Variants in TIA1 observed in about 807,000 individuals in gnomAD.
TIA1 encodes TIA1 cytotoxic granule associated RNA binding protein.
In TIA1, 23 loss-of-function variants were observed where a neutral mutation model predicts 65.9. The ratio of observed to expected loss-of-function variants is 0.35; its 90% CI spans 0.25 to 0.49. TIA1 has a LOEUF of 0.49. Among genes scored for constraint, TIA1 ranks in the 20% least tolerant of loss-of-function variants. The pLI is 0.98. For synonymous variants in TIA1, 147 were observed against 149.4 expected, an observed-to-expected ratio of 0.98 and a Z score of 0.12; for missense variants, 371 against 477.9, an observed-to-expected ratio of 0.78 and a Z score of 2.09.
At chr2:70,214,632 T>C in intron 11 of TIA1, 138 bp from the exon 12 acceptor site, 1 of 311,486 alleles carries the variant, frequency 3.2e-6, no homozygotes, top group Non-Finnish European at 5.1e-6. Context: ...AGTTGACTGC[T>C]AAAAAAAAAA....
intron 1 of TIA1, among the ~76,000 whole-genome samples, chr2:70,243,787 T>C (rs1692974304): frequency 6.6e-6 from 1 of 152,238 alleles, no homozygotes; most frequent in African/African-American, 2.4e-5. Context: ...TCTAAGCCAC[T>C]GGTAATTCCT....
At chr2:70,248,305 G>C (rs1695396386) in intron 1 of TIA1, 100 bp downstream of exon 1, 1 of 1,354,210 alleles carries the variant, frequency 7.4e-7, no homozygotes, top group Non-Finnish European at 1.0e-6. Context: ...ACGATATCGC[G>C]GTGTCCACGG....
chr2:70,245,099 C>A (rs933695623), intron 1 of TIA1, among the ~76,000 whole-genome samples: 1 of 152,098 alleles, frequency 6.6e-6, no homozygotes, highest in Non-Finnish European at 1.5e-5. Flanking sequence ...CCTTCCTGAG[C>A]CTCCGGAGTC....
chr2:70,230,970 G>T (rs759781700), intron 2 of TIA1, 116 bp from the exon 3 acceptor site: 3 of 673,730 alleles, frequency 4.5e-6, no homozygotes, highest in Admixed American at 3.2e-5. Context: ...TCAGGCCATG[G>T]AGAATGAATG....
Position 70,214,010 on chromosome 2 carries a change from G to GT in TIA1, c.1034+338dup, listed in dbSNP as rs1421402993. On this transcript the variant is annotated intron_variant, in intron 12 of 12. Coordinates refer to ENST00000433529, the MANE Select transcript of TIA1 (RefSeq NM_022173.4). Reference sequence around the variant, plus strand: ...TATTTCCAGTGTGTTTTTCAGAAATGTAAGTAAAATAGTGTAATTCAGGGT... The same window carrying GT: ...TATTTCCAGTGTGTTTTTCAGAAATGTTAAGTAAAATAGTGTAATTCAGGGT... Among the ~76,000 whole-genome samples the GT allele has an allele frequency of 2.6e-5, 4 of 152,100 alleles. No homozygotes were observed. The South Asian group carries it at 6.2e-4, about 24-fold the overall frequency.
Position 70,212,119 on chromosome 2 carries a change from G to C in TIA1, c.*600C>G, listed in dbSNP as rs764136444. 4.8e-4 allele frequency: 73 copies of C among 152,454 alleles called. No homozygotes were observed. Among genetic ancestry groups the C allele is most frequent in the Non-Finnish European group, 8.7e-4 (59 of 68,006 alleles). 9.4% of individuals were successfully genotyped at this position (152,454 alleles called of 1,614,324 possible). On this transcript the variant is annotated 3_prime_UTR_variant, in exon 13 of 13. Coordinates refer to ENST00000433529, the MANE Select transcript of TIA1 (RefSeq NM_022173.4). The stretch of plus-strand genomic sequence containing the variant: ...TTTTTCCATTTAAGTATATTTTACA[G>C]AACTTTAATAAGGCAAGACAAATTT...
rs1676859289 is a variant in TIA1 at position 70,212,860 on chromosome 2, G to T, written c.1035-15C>A. ...ACTGTGTCTGACTGGTGGAGAATGT[G>T]AAAGAAGCAGAGGGGAGAGGAAATC... On this transcript the variant is annotated splice_polypyrimidine_tract_variant and intron_variant, in intron 12 of 12. Transcript: ENST00000433529. The T allele has an allele frequency of 6.4e-7, 1 of 1,572,436 alleles. No homozygotes were observed. Among genetic ancestry groups the T allele is most frequent in the Non-Finnish European group, 8.8e-7 (1 of 1,142,280 alleles).
chr2:70,231,256 T>C (rs980531654), intron 2 of TIA1, among the ~76,000 whole-genome samples: 51 of 152,162 alleles, frequency 3.4e-4, no homozygotes, highest in African/African-American at 1.0e-3. Context: ...AAGCTGAGAC[T>C]GCGCCACTGC....
intron 1 of TIA1, among the ~76,000 whole-genome samples, chr2:70,242,310 T>C (rs147499471): frequency 6.6e-6 from 1 of 151,680 alleles, no homozygotes. Context: ...AGGTGGGGGA[T>C]CACTTGAGCT....
At chr2:70,243,246 T>C (rs1354206500) in intron 1 of TIA1, among the ~76,000 whole-genome samples, 1 of 152,014 alleles carries the variant, frequency 6.6e-6, no homozygotes, top group Admixed American at 6.6e-5. Context: ...GGCAACACAG[T>C]GAGATCGCTT....
chr2:70,237,817 G>A (rs1343556908), intron 1 of TIA1, among the ~76,000 whole-genome samples: 3 of 151,502 alleles, frequency 2.0e-5, no homozygotes, highest in East Asian at 1.9e-4. Flanking sequence ...AACGAGCCCC[G>A]ATCACGCCAC....
At chr2:70,225,012 T>C (rs1683188338) in intron 6 of TIA1, 1 of 995,938 alleles carries the variant, frequency 1.0e-6, no homozygotes, top group Non-Finnish European at 1.2e-6. Flanking sequence ...TTTGACACTA[T>C]ATTCTACCTA....
chr2:70,225,858 G>A lies in TIA1; in HGVS notation c.399-1229C>T, dbSNP rs1010414335. On this transcript the variant is annotated intron_variant, in intron 6 of 12. Transcript: ENST00000433529. ...AAGGAATAGGAAGAGTTTATAGGCT[G>A]TATATAAGGGAAAATACCATATTTT... Among the ~76,000 whole-genome samples the A allele has an allele frequency of 2.0e-5, 3 of 152,092 alleles. No homozygotes were observed. In the East Asian group the frequency reaches 5.8e-4, roughly 29 times the overall value.
At chr2:70,238,736 TA>T (rs887860598) in intron 1 of TIA1, among the ~76,000 whole-genome samples, 3 of 151,970 alleles carry the variant, frequency 2.0e-5, no homozygotes, top group African/African-American at 7.3e-5. Flanking sequence ...TACAAGACCA[TA>T]AGACTGTGAT....
rs1277683394 is a variant in TIA1 at position 70,214,423 on chromosome 2, G to C, written c.960C>G (p.Gly320=). 6.2e-7 allele frequency: 1 copy of C among 1,613,912 alleles called. No homozygotes were observed. Among genetic ancestry groups the C allele is most frequent in the South Asian group, 1.1e-5 (1 of 91,058 alleles). Residue 320 remains glycine (G), a synonymous_variant, in exon 12 of 13, where the codon GGC becomes GGG. Coordinates refer to ENST00000433529, the MANE Select transcript of TIA1 (RefSeq NM_022173.4). ...GQWYGNAQQI[G]QYMPNGWQVP... is the part of the protein sequence containing the mutation. Reference sequence around the variant, plus strand: ...CTTGCCAACCATTAGGCATATACTGGCCAATTTGTTGTGCATTTCCATACC... The same window carrying C: ...CTTGCCAACCATTAGGCATATACTGCCCAATTTGTTGTGCATTTCCATACC...
At chr2:70,248,310 C>T (rs1288340204) in intron 1 of TIA1, 95 bp downstream of exon 1, 1 of 1,409,152 alleles carries the variant, frequency 7.1e-7, no homozygotes, top group East Asian at 2.3e-5. Context: ...ATCGCGGTGT[C>T]CACGGAGAAC....
chr2:70,242,404 C>T (rs867911838), intron 1 of TIA1, among the ~76,000 whole-genome samples: 4 of 136,848 alleles, frequency 2.9e-5, no homozygotes, highest in African/African-American at 5.5e-5. Flanking sequence ...TGATGGTGGG[C>T]GAGAGAATCA....
intron 7 of TIA1, among the ~76,000 whole-genome samples, chr2:70,219,333 A>G (rs1351053398): frequency 2.0e-5 from 3 of 152,250 alleles, no homozygotes; most frequent in African/African-American, 7.2e-5. Context: ...TTGAAAATAG[A>G]GTAGCATTGG....
At chr2:70,238,142 C>CATCTCAATTA (rs1689897422) in intron 1 of TIA1, among the ~76,000 whole-genome samples, 2 of 149,332 alleles carry the variant, frequency 1.3e-5, no homozygotes, top group African/African-American at 4.9e-5. Context: ...GCTTGGGCAA[C>CATCTCAATTA]AGAGCGAGAC....
Sources: gnomAD v4.1 joint callset for allele counts (sites outside exome capture counted in the v4.1 genomes callset) on GRCh38, gnomAD v4.1.1 for gene constraint, MANE v1.5 for transcripts, NCBI Gene and HGNC (gene_info 2026-07-23, HGNC 2026-07-21) for gene names.